Variants in UBE4A observed in about 807,000 individuals in gnomAD.
The protein encoded by UBE4A is ubiquitin conjugation factor E4 A.
UBE4A carries 48 observed loss-of-function variants against 117.9 expected under a neutral mutation model. The observed-to-expected ratio is 0.41, with a 90% CI of 0.32 to 0.52. The LOEUF (loss-of-function observed/expected upper bound fraction) is 0.52, where lower values mean the gene tolerates loss of function less well. Among genes scored for constraint, UBE4A ranks in the 20% least tolerant of loss-of-function variants. The pLI is 0.33. For synonymous variants in UBE4A, 407 were observed against 450.0 expected, an observed-to-expected ratio of 0.90 and a Z score of 1.21; for missense variants, 1,067 against 1,296.3, an observed-to-expected ratio of 0.82 and a Z score of 2.72.
rs770387716 is a variant in UBE4A at position 118,368,652 on chromosome 11, A to C, written c.143A>C (p.Asp48Ala). 12 of 1,614,094 alleles carry C rather than the reference A, an allele frequency of 7.4e-6. No homozygotes were observed. The highest frequency in any genetic ancestry group is 1.3e-5 in the African/African-American group (1 of 74,926). ...GCAGATGAACTCCCAGCTAGCCCAG[A>C]TGACTCGGATAATAGCGTGTCAGAG... ...QQSDELPASP[D>A]DSDNSVSESL... The change falls in exon 3 of 20, where the codon GAT becomes GCT. Residue 48 changes from aspartate to alanine, a missense_variant. Around this residue, in one of 3 missense-constraint regions of UBE4A, gnomAD observed 1,001 missense variants for 1,184.0 expected, o/e 0.85. Coordinates refer to ENST00000252108, the MANE Select transcript of UBE4A (RefSeq NM_001204077.2).
At chr11:118,360,194 G>A (rs1948509704) in intron 1 of UBE4A, among the ~76,000 whole-genome samples, 1 of 152,184 alleles carries the variant, frequency 6.6e-6, no homozygotes, top group Non-Finnish European at 1.5e-5. Context: ...TCTGCTTCAT[G>A]TTTCCTTGGG....
chr11:118,369,644 C>CTA, intron 4 of UBE4A, 109 bp downstream of exon 4: 1 of 618,354 alleles, frequency 1.6e-6, no homozygotes, highest in Non-Finnish European at 2.7e-6. Flanking sequence ...CCATCCCTCT[C>CTA]TCTTTTTTTT....
At chr11:118,373,834 T>G in intron 8 of UBE4A, 149 bp downstream of exon 8, 2 of 1,028,232 alleles carry the variant, frequency 1.9e-6, no homozygotes. Flanking sequence ...AAACTGGGCA[T>G]GGTAGCTCAA....
At chr11:118,389,541 G>C (rs45480895) in intron 16 of UBE4A, among the ~76,000 whole-genome samples, 184 bp from the exon 17 acceptor site, 2,039 of 152,150 alleles carry the variant, frequency 0.013, 30 homozygotes, top group Non-Finnish European at 0.021. Context: ...TTTGGTTTTG[G>C]TTTTTTGCTT....
At position 118,398,160 on chromosome 11, in the gene UBE4A, A is replaced by G. The variant is rs1388763489; in HGVS notation, c.*1720A>G. The G allele has an allele frequency of 6.6e-6, 1 of 152,606 alleles. No homozygotes were observed. Among genetic ancestry groups the G allele is most frequent in the East Asian group, 1.9e-4 (1 of 5,202 alleles). The allele number at this position is 152,606 out of a possible 1,614,324, so 9.5% of individuals were successfully genotyped here. On this transcript the variant is annotated 3_prime_UTR_variant, in exon 20 of 20. Transcript: ENST00000252108. Reference sequence around the variant, plus strand: ...AAACCCAATCTAGTAGGATGTTCTCATTTTAAAAACGAGGGGAAAAGACCA... The same window carrying G: ...AAACCCAATCTAGTAGGATGTTCTCGTTTTAAAAACGAGGGGAAAAGACCA...
intron 10 of UBE4A, among the ~76,000 whole-genome samples, chr11:118,377,577 G>C (rs992007276): frequency 2.0e-5 from 3 of 152,064 alleles, no homozygotes; most frequent in African/African-American, 7.2e-5. Flanking sequence ...ATCTGGGAAA[G>C]TGGAATTGTT....
chr11:118,367,787 C>T (rs147770851), intron 2 of UBE4A, among the ~76,000 whole-genome samples: 1,629 of 152,124 alleles, frequency 0.011, 12 homozygotes, highest in Non-Finnish European at 0.017. Context: ...TGTGAGCCAC[C>T]GTGCCAGGCA....
chr11:118,371,766 T>A, intron 5 of UBE4A, 100 bp downstream of exon 5: 1 of 1,272,584 alleles, frequency 7.9e-7, no homozygotes, highest in East Asian at 2.3e-5. Context: ...TTTATATATG[T>A]CATAGTATGT....
intron 9 of UBE4A, among the ~76,000 whole-genome samples, chr11:118,375,724 C>T (rs554641634): frequency 6.6e-6 from 1 of 152,070 alleles, no homozygotes; most frequent in East Asian, 1.9e-4. Context: ...AAATGTTGTA[C>T]TTTAGTGAGA....
Position 118,386,932 on chromosome 11 carries a change from A to G in UBE4A, c.2587+320A>G, listed in dbSNP as rs551099348. ...ACATATATGTTTGTTAATCTGAGAA[A>G]TACGCTTGAATCCTGGTTAAATATG... is the stretch of plus-strand genomic sequence containing the variant. On this transcript the variant is annotated intron_variant, in intron 16 of 19. Coordinates refer to ENST00000252108, the MANE Select transcript of UBE4A (RefSeq NM_001204077.2). Among the ~76,000 whole-genome samples the G allele has an allele frequency of 5.9e-5, 9 of 152,302 alleles. No homozygotes were observed. The East Asian group carries it at 1.5e-3, about 26-fold the overall frequency.
chr11:118,362,642 T>G (rs1379089993), intron 1 of UBE4A, among the ~76,000 whole-genome samples: 2 of 152,238 alleles, frequency 1.3e-5, no homozygotes, highest in Admixed American at 1.3e-4. Flanking sequence ...CTCTCAATTC[T>G]GTTTTCTAGT....
In UBE4A at chr11:118,374,861, G is replaced by A. The variant is rs1565532332; in HGVS notation, c.1117-35G>A. On this transcript the variant is annotated intron_variant, in intron 8 of 19. Transcript: ENST00000252108. Reference sequence around the variant, plus strand: ...TGGGAATAAAAACTATTAGGATTGTGAAACGTTCTGTGGTTGTGTTTTCTG... The same window carrying A: ...TGGGAATAAAAACTATTAGGATTGTAAAACGTTCTGTGGTTGTGTTTTCTG... The A allele has an allele frequency of 2.0e-6, 3 of 1,471,678 alleles. No homozygotes were observed. The African/African-American group carries it at 4.3e-5, about 21-fold the overall frequency. The allele number at this position is 1,471,678 out of a possible 1,614,324, so 91.2% of individuals were successfully genotyped here. A position where few individuals can be genotyped will look rare whatever the true frequency, so the allele number is the denominator to read the frequency against.
intron 19 of UBE4A, 71 bp from the exon 20 acceptor site, chr11:118,396,241 GGT>G: frequency 6.5e-7 from 1 of 1,540,732 alleles, no homozygotes; most frequent in Non-Finnish European, 8.7e-7. Flanking sequence ...GCGACGCCCA[GGT>G]GTTCTGTTTT....
chr11:118,362,070 G>A (rs1948524723), intron 1 of UBE4A, among the ~76,000 whole-genome samples: 1 of 152,178 alleles, frequency 6.6e-6, no homozygotes, highest in Non-Finnish European at 1.5e-5. Flanking sequence ...TGAGAAAGAA[G>A]GAAGTAATGC....
intron 12 of UBE4A, among the ~76,000 whole-genome samples, chr11:118,382,316 G>A (rs951428502): frequency 1.3e-5 from 2 of 152,056 alleles, no homozygotes; most frequent in East Asian, 1.9e-4. Context: ...TTACAGAGAA[G>A]TAAACAATGG....
At chr11:118,379,261 G>A (rs1948678849) in intron 10 of UBE4A, among the ~76,000 whole-genome samples, 185 bp from the exon 11 acceptor site, 1 of 152,190 alleles carries the variant, frequency 6.6e-6, no homozygotes, top group African/African-American at 2.4e-5. Flanking sequence ...ATACTTGGCA[G>A]CATTTTCCCA....
At position 118,373,495 on chromosome 11, in the gene UBE4A, T is replaced by G; in HGVS notation, c.926T>G (p.Val309Gly). ...AGCAGAACTTGTCTTCTCTTACAGG[T>G]TTTTGTAGAATACATTCAGCCCAAG... ...YFTRQKDMAK[V>G]FVEYIQPKDP... Residue 309 changes from valine (V) to glycine (G), a missense_variant and splice_region_variant, in exon 8 of 20, where the codon GTT becomes GGT. Transcript: ENST00000252108. 2 of 1,611,026 alleles carry G rather than the reference T, an allele frequency of 1.2e-6. No individual in the cohort carries two copies. The highest frequency in any genetic ancestry group is 1.7e-6 in the Non-Finnish European group (2 of 1,178,626).
Position 118,371,571 on chromosome 11 carries a change from T to A in UBE4A, c.466T>A (p.Ser156Thr), listed in dbSNP as rs752879985. 7 of 1,614,058 alleles carry A rather than the reference T, an allele frequency of 4.3e-6. No individual in the cohort carries two copies. Among genetic ancestry groups the A allele is most frequent in the Admixed American group, 3.3e-5 (2 of 60,018 alleles). Residue 156 changes from serine to threonine, a missense_variant, in exon 5 of 20, where the codon TCT becomes ACT. Physicochemically the swap from Ser to Thr is moderately conservative, Grantham distance 58 (BLOSUM62 1). This residue lies in a region of UBE4A where 1,001 missense variants were observed against 1,184.0 expected (regional missense o/e 0.85). Transcript: ENST00000252108. ...DPGNHLINMT[S>T]STTLNLSADR... ...AGGCAACCACTTAATTAACATGACT[T>A]CTTCTACAACGCTAAATCTCTCTGC...
chr11:118,368,920 C>T (rs1948586420), intron 3 of UBE4A, 116 bp downstream of exon 3: 2 of 1,037,756 alleles, frequency 1.9e-6, no homozygotes, highest in Non-Finnish European at 1.4e-6. Flanking sequence ...CACTGCACTC[C>T]CTGGAACTCA....
Sources: gnomAD v4.1 joint callset for allele counts (sites outside exome capture counted in the v4.1 genomes callset) on GRCh38, gnomAD v4.1.1 for gene constraint, gnomAD v4.1.1 regional missense constraint, MANE v1.5 for transcripts, NCBI Gene and HGNC (gene_info 2026-07-23, HGNC 2026-07-21) for gene names.